CATSPERE: variants seen among roughly 807,000 people sequenced by gnomAD.
CATSPERE encodes the protein catsper channel auxiliary subunit epsilon, also known as cation channel sperm-associated auxiliary subunit epsilon.
In CATSPERE, 93 loss-of-function variants were observed where a neutral mutation model predicts 114.1. The ratio of observed to expected loss-of-function variants is 0.81; its 90% CI spans 0.69 to 0.97. The LOEUF (loss-of-function observed/expected upper bound fraction) is 0.97, where lower values mean the gene tolerates loss of function less well. Ranked by LOEUF, CATSPERE falls within the 50% of genes least tolerant of loss-of-function variation. The pLI, the probability that CATSPERE is intolerant of heterozygous loss-of-function variation, is 0.00. For synonymous variants in CATSPERE, 341 were observed against 384.1 expected (o/e 0.89, Z 1.31); for missense variants, 1,058 against 1,131.6 (o/e 0.93, Z 0.93).
At chr1:244,551,445 T>C (rs149826503) in intron 8 of CATSPERE, among the ~76,000 whole-genome samples, 3 of 152,344 alleles carry the variant, frequency 2.0e-5, no homozygotes, top group African/African-American at 7.2e-5. Flanking sequence ...TATGTATATG[T>C]ATGTATGTAG....
At chr1:244,551,797 G>A (rs1660672591) in intron 8 of CATSPERE, among the ~76,000 whole-genome samples, 1 of 152,100 alleles carries the variant, frequency 6.6e-6, no homozygotes, top group African/African-American at 2.4e-5. Context: ...AGGCGCGGTG[G>A]CTCACGCCTG....
chr1:244,475,205 A>G (rs1001221393), intron 2 of CATSPERE, among the ~76,000 whole-genome samples: 1 of 150,656 alleles, frequency 6.6e-6, no homozygotes, highest in African/African-American at 2.4e-5. Context: ...TTACACTGAA[A>G]ACAGAGTTTA....
At chr1:244,584,599 G>A (rs1384375227) in intron 13 of CATSPERE, among the ~76,000 whole-genome samples, 1 of 150,722 alleles carries the variant, frequency 6.6e-6, no homozygotes, top group Admixed American at 6.6e-5. Flanking sequence ...CCTCCTTTGA[G>A]TCTATATTTC....
intron 8 of CATSPERE, among the ~76,000 whole-genome samples, chr1:244,534,317 A>G (rs949388694): frequency 6.6e-6 from 1 of 151,888 alleles, no homozygotes; most frequent in Non-Finnish European, 1.5e-5. Context: ...GAGGTTTTGG[A>G]AGTTCTCTGT....
At chr1:244,595,450 TCTG>T (rs1355281204) in intron 17 of CATSPERE, among the ~76,000 whole-genome samples, 4 of 152,098 alleles carry the variant, frequency 2.6e-5, no homozygotes, top group Non-Finnish European at 5.9e-5. Context: ...AATGTTGAAT[TCTG>T]CTGGGTAAGT....
chr1:244,527,408 C>T (rs950552889), intron 8 of CATSPERE, among the ~76,000 whole-genome samples: 11 of 152,172 alleles, frequency 7.2e-5, no homozygotes, highest in South Asian at 2.1e-4. Context: ...CTGTTCCGCC[C>T]GGCTCAGCGG....
intron 6 of CATSPERE, among the ~76,000 whole-genome samples, chr1:244,498,779 TC>T (rs1216823949): frequency 1.3e-5 from 2 of 151,966 alleles, no homozygotes; most frequent in Non-Finnish European, 2.9e-5. Flanking sequence ...GCGCCTGTAA[TC>T]CCAGCTACTC....
intron 5 of CATSPERE, among the ~76,000 whole-genome samples, chr1:244,487,994 G>T (rs532835201): frequency 6.6e-6 from 1 of 152,224 alleles, no homozygotes; most frequent in Non-Finnish European, 1.5e-5. Context: ...CCAAACCAGA[G>T]TTCTGACACT....
At chr1:244,625,432 A>ATATATTTTTTTTT in intron 20 of CATSPERE, among the ~76,000 whole-genome samples, 1 of 3,986 alleles carries the variant, frequency 2.5e-4, no homozygotes, top group Non-Finnish European at 4.7e-4. Context: ...ATATATATAT[A>ATATATTTTTTTTT]TTTTTTTTTT....
At chr1:244,625,426 A>T (rs370930829) in intron 20 of CATSPERE, among the ~76,000 whole-genome samples, 186 of 3,940 alleles carry the variant, frequency 0.047, 9 homozygotes, top group Admixed American at 0.094. Context: ...ATATATATAT[A>T]TATATATTTT....
upstream of CATSPERE, among the ~76,000 whole-genome samples, chr1:244,457,823 A>C (rs531491453): frequency 6.6e-6 from 1 of 152,338 alleles, no homozygotes; most frequent in South Asian, 2.1e-4. Flanking sequence ...AAAATCATAC[A>C]GGAAGCATTG....
At chr1:244,566,974 T>C (rs902928913) in intron 10 of CATSPERE, among the ~76,000 whole-genome samples, 1 of 152,180 alleles carries the variant, frequency 6.6e-6, no homozygotes, top group Non-Finnish European at 1.5e-5. Context: ...GTTTTTGCAG[T>C]GGCTGGTACT....
chr1:244,623,562 A>G (rs937244236), intron 20 of CATSPERE, among the ~76,000 whole-genome samples: 11 of 152,202 alleles, frequency 7.2e-5, no homozygotes, highest in Non-Finnish European at 1.0e-4. Flanking sequence ...GACATAATCA[A>G]CCTGTCACCA....
rs183012503 is a variant in CATSPERE at position 244,575,494 on chromosome 1, C to T, written c.1950+2722C>T. On this transcript the variant is annotated intron_variant, in intron 11 of 21. Transcript: ENST00000366534. This position sits in a 1 kb window ranked among gnomAD's most constrained non-coding sequence, Gnocchi z 4.5. Reference sequence around the variant, plus strand: ...CAGCTGTCCTCCGAGGGTGGCAGGACGTACCTGAGCAGCACAGAAGGCTTG... The same window carrying T: ...CAGCTGTCCTCCGAGGGTGGCAGGATGTACCTGAGCAGCACAGAAGGCTTG... Among the ~76,000 whole-genome samples, 119 of 152,330 alleles carry T rather than the reference C, an allele frequency of 7.8e-4. 1 individual carries two copies. Among genetic ancestry groups the T allele is most frequent in the African/African-American group, 1.9e-3 (78 of 41,574 alleles).
intron 21 of CATSPERE, among the ~76,000 whole-genome samples, chr1:244,636,903 C>A (rs1674690707): frequency 6.6e-6 from 1 of 152,106 alleles, no homozygotes; most frequent in South Asian, 2.1e-4. Flanking sequence ...TCGGCACTTC[C>A]TTGCTCCTAG....
chr1:244,506,137 A>G (rs1674781850), intron 7 of CATSPERE, among the ~76,000 whole-genome samples: 1 of 152,216 alleles, frequency 6.6e-6, no homozygotes, highest in African/African-American at 2.4e-5. Flanking sequence ...GGAATCATAC[A>G]ATATTTTTGA....
chr1:244,531,276 A>G (rs1157512254), intron 8 of CATSPERE, among the ~76,000 whole-genome samples: 1 of 151,576 alleles, frequency 6.6e-6, no homozygotes, highest in African/African-American at 2.4e-5. Flanking sequence ...ATCTTCTGCA[A>G]GCAAGGATGA....
intron 17 of CATSPERE, among the ~76,000 whole-genome samples, chr1:244,600,359 A>AG (rs1161590143): frequency 2.6e-5 from 2 of 77,178 alleles, no homozygotes; most frequent in African/African-American, 7.2e-5. Flanking sequence ...ACCTAGTCCA[A>AG]AAAAAAAAAA....
chr1:244,483,604 C>T (rs919321049), intron 5 of CATSPERE, among the ~76,000 whole-genome samples: 15 of 152,240 alleles, frequency 9.9e-5, no homozygotes, highest in Middle Eastern at 3.4e-3. Context: ...ATCTGTTCAG[C>T]AGGAATTTTT....
Sources: gnomAD v4.1 joint callset for allele counts (sites outside exome capture counted in the v4.1 genomes callset) on GRCh38, gnomAD v4.1.1 for gene constraint, Gnocchi (gnomAD v3.1) non-coding constraint, MANE v1.5 for transcripts, NCBI Gene and HGNC (gene_info 2026-07-23, HGNC 2026-07-21) for gene names.